Variants in AEBP2 observed in about 807,000 individuals in gnomAD.
AEBP2 encodes AE binding protein 2, also known as zinc finger protein AEBP2.
AEBP2 carries 10 observed loss-of-function variants against 50.8 expected under a neutral mutation model. That is an observed-to-expected ratio of 0.20 (90% confidence interval 0.12 to 0.33). The LOEUF is 0.33. Ranked by LOEUF, AEBP2 falls within the 10% of genes least tolerant of loss-of-function variation. AEBP2 has a pLI of 1.00. For missense variants in AEBP2, 570 were observed against 688.0 expected, an observed-to-expected ratio of 0.83 and a Z score of 1.92; for synonymous variants, 296 against 261.3, an observed-to-expected ratio of 1.13 and a Z score of -1.28.
At chr12:19,485,199 G>T (rs915043794) in intron 3 of AEBP2, among the ~76,000 whole-genome samples, 2 of 152,140 alleles carry the variant, frequency 1.3e-5, no homozygotes, top group Admixed American at 1.3e-4. Flanking sequence ...CAAATGTTTT[G>T]TGTTTTTTGT....
chr12:19,487,686 C>T (rs571937104), intron 3 of AEBP2, among the ~76,000 whole-genome samples: 3 of 151,518 alleles, frequency 2.0e-5, no homozygotes, highest in East Asian at 3.9e-4. Flanking sequence ...CCACTGCACT[C>T]GTCTGGGTGA....
At chr12:19,436,604 G>C (rs1214922015), upstream of AEBP2, among the ~76,000 whole-genome samples, 3 of 149,932 alleles carry the variant, frequency 2.0e-5, no homozygotes, top group Admixed American at 1.3e-4. Flanking sequence ...TTTTGGGGGG[G>C]GGATAAGGTC....
At chr12:19,416,329 A>C (rs1306403855) in intron 1 of AEBP2, among the ~76,000 whole-genome samples, 1 of 152,206 alleles carries the variant, frequency 6.6e-6, no homozygotes, top group Non-Finnish European at 1.5e-5. Context: ...AATATTGCTC[A>C]TTACTTCCAT....
chr12:19,489,431 C>T (rs1050368793), intron 3 of AEBP2, among the ~76,000 whole-genome samples: 5 of 152,178 alleles, frequency 3.3e-5, no homozygotes, highest in African/African-American at 1.2e-4. Flanking sequence ...ATGATCCAGT[C>T]ACTTGGGAGG....
chr12:19,441,742 AGAATGT>A (rs1947963844), intron 1 of AEBP2, among the ~76,000 whole-genome samples: 2 of 152,324 alleles, frequency 1.3e-5, no homozygotes, highest in South Asian at 4.1e-4. Context: ...GGTAGGAAGG[AGAATGT>A]CTTCAAGAAA....
At chr12:19,440,755 A>G (rs1947942090) in intron 1 of AEBP2, 1 of 1,533,558 alleles carries the variant, frequency 6.5e-7, no homozygotes, top group East Asian at 2.4e-5. Flanking sequence ...GTGTTCGGGA[A>G]CACTTGTCAG....
chr12:19,427,842 C>A (rs944867819), intron 1 of AEBP2, among the ~76,000 whole-genome samples: 5 of 152,016 alleles, frequency 3.3e-5, no homozygotes, highest in Non-Finnish European at 5.9e-5. Flanking sequence ...TCCTCAGAGC[C>A]TCCGTTTTCT....
intron 2 of AEBP2, among the ~76,000 whole-genome samples, chr12:19,464,376 C>A (rs1057333935): frequency 6.6e-6 from 1 of 152,012 alleles, no homozygotes; most frequent in African/African-American, 2.4e-5. Context: ...CTTGACTTAG[C>A]AACTGTGTAT....
intron 3 of AEBP2, among the ~76,000 whole-genome samples, chr12:19,488,273 G>A (rs1282572449): frequency 6.6e-6 from 1 of 150,858 alleles, no homozygotes; most frequent in Non-Finnish European, 1.5e-5. Flanking sequence ...ACAGGCACAT[G>A]CCTGGCTAAT....
At chr12:19,470,631 A>G (rs112814407) in intron 2 of AEBP2, among the ~76,000 whole-genome samples, 38 of 152,316 alleles carry the variant, frequency 2.5e-4, no homozygotes, top group Non-Finnish European at 4.3e-4. Context: ...TGTAGAGTCT[A>G]AACCATACTT....
intron 5 of AEBP2, among the ~76,000 whole-genome samples, chr12:19,501,788 A>C (rs1949081347): frequency 8.8e-6 from 1 of 113,382 alleles, no homozygotes; most frequent in Non-Finnish European, 2.0e-5. Context: ...CTCCTATAAA[A>C]ATGAGTTTGT....
At chr12:19,436,893 C>G (rs12831045), upstream of AEBP2, among the ~76,000 whole-genome samples, 13,730 of 152,174 alleles carry the variant, frequency 0.09, 701 homozygotes, top group Middle Eastern at 0.15. Flanking sequence ...AGCCACTGCA[C>G]CTGGCCCCCA....
intron 5 of AEBP2, among the ~76,000 whole-genome samples, chr12:19,504,650 A>G (rs1350540191): frequency 6.6e-6 from 1 of 152,130 alleles, no homozygotes; most frequent in African/African-American, 2.4e-5. Flanking sequence ...GTGTGATACT[A>G]CAGGGAAGAT....
rs201791469 is a variant in AEBP2 at position 19,514,806 on chromosome 12, T to A, written c.1481+22T>A. 4.4e-3 allele frequency: 6,849 copies of A among 1,556,252 alleles called. 29 individuals are homozygous for A. Among genetic ancestry groups the A allele is most frequent in the Non-Finnish European group, 4.8e-3 (5,442 of 1,142,544 alleles). On this transcript the variant is annotated intron_variant, in intron 7 of 7. Coordinates refer to ENST00000266508, the MANE Select transcript of AEBP2 (RefSeq NM_153207.5). Reference sequence around the variant, plus strand: ...ACAGGTAATTTAATTCTTGCCTTTATGTTTTACTTTTTGATTTGTAATTTT... The same window carrying A: ...ACAGGTAATTTAATTCTTGCCTTTAAGTTTTACTTTTTGATTTGTAATTTT...
rs1229875474 is a variant in AEBP2, at chr12:19,520,370, G to T, written c.*2253G>T. The T allele has an allele frequency of 6.6e-6, 1 of 152,126 alleles. No homozygotes were observed. The highest frequency in any genetic ancestry group is 1.5e-5 in the Non-Finnish European group (1 of 68,014). 9.4% of individuals were successfully genotyped at this position (152,126 alleles called of 1,614,324 possible). On this transcript the variant is annotated 3_prime_UTR_variant, in exon 8 of 8. Coordinates refer to ENST00000266508, the MANE Select transcript of AEBP2 (RefSeq NM_153207.5). ...GTCAAAACCAGATTTCGTGATCCTT[G>T]ATTAACTTCTGAGTACTCAATCAAT...
chr12:19,442,568 C>T (rs559743884), intron 1 of AEBP2, among the ~76,000 whole-genome samples: 2 of 152,266 alleles, frequency 1.3e-5, no homozygotes, highest in East Asian at 1.9e-4. Context: ...ATAATTTTTA[C>T]ATCTTATTTC....
intron 1 of AEBP2, among the ~76,000 whole-genome samples, chr12:19,461,197 A>G (rs1948372099): frequency 6.6e-6 from 1 of 152,196 alleles, no homozygotes; most frequent in African/African-American, 2.4e-5. Flanking sequence ...CTTAAATTGC[A>G]AGCAGATACA....
In AEBP2 at chr12:19,426,225, G is replaced by A. The variant is rs189881280; in HGVS notation, c.-17+22009G>A. On this transcript the variant is annotated intron_variant, in intron 1 of 3. Coordinates refer to the AEBP2 transcript ENST00000538425. ...GCTGGGATTACAGGCATGAGCCACC[G>A]CAGCCGACCCTATGTTGGGATTTCT... is the stretch of plus-strand genomic sequence containing the variant. Among the ~76,000 whole-genome samples, 74 of 152,126 alleles carry A rather than the reference G, an allele frequency of 4.9e-4. 1 individual carries two copies. Among genetic ancestry groups the A allele is most frequent in the Admixed American group, 2.9e-3 (44 of 15,274 alleles).
chr12:19,470,947 G>A lies in AEBP2; in HGVS notation c.880-2301G>A, dbSNP rs535543505. ...CTTTCTTTAAGGCATTTCTGTTTAC[G>A]TATTAGGTTGGTGCACAAGTAATTG... On this transcript the variant is annotated intron_variant, in intron 2 of 7. Transcript: ENST00000266508. Among the ~76,000 whole-genome samples the A allele has an allele frequency of 3.9e-5, 6 of 152,200 alleles. No homozygotes were observed. In the South Asian group the frequency reaches 6.2e-4, roughly 16 times the overall value.
Sources: allele counts gnomAD v4.1 joint callset (sites outside exome capture counted in the v4.1 genomes callset), GRCh38; gene constraint gnomAD v4.1.1; transcripts MANE v1.5; gene names NCBI Gene and HGNC (gene_info 2026-07-23, HGNC 2026-07-21).